Variants in SLC35F3 observed in about 807,000 individuals in gnomAD.
SLC35F3 encodes the protein solute carrier family 35 member F3.
SLC35F3 carries 25 observed loss-of-function variants against 49.9 expected under a neutral mutation model. The ratio of observed to expected loss-of-function variants is 0.50; its 90% CI spans 0.37 to 0.70. The LOEUF is 0.70. Ranked by LOEUF, SLC35F3 falls within the 30% of genes least tolerant of loss-of-function variation. The pLI is 0.00. For synonymous variants in SLC35F3, 275 were observed against 265.4 expected (o/e 1.04, Z -0.35); for missense variants, 525 against 639.8 (o/e 0.82, Z 1.94).
At chr1:233,910,846 ATG>A (rs1224124654) in intron 2 of SLC35F3, among the ~76,000 whole-genome samples, 1 of 152,290 alleles carries the variant, frequency 6.6e-6, no homozygotes, top group Non-Finnish European at 1.5e-5. Flanking sequence ...TTTTTCCAGA[ATG>A]TGAATGGAAT....
chr1:233,932,178 G>A (rs145534617), intron 2 of SLC35F3, among the ~76,000 whole-genome samples: 4,416 of 152,186 alleles, frequency 0.029, 193 homozygotes, highest in African/African-American at 0.1. Context: ...GAGAGCATTA[G>A]GAGAAATACC....
intron 2 of SLC35F3, among the ~76,000 whole-genome samples, chr1:234,045,663 A>G (rs1320733084): frequency 6.6e-6 from 1 of 151,954 alleles, no homozygotes; most frequent in African/African-American, 2.4e-5. Flanking sequence ...ACAAGAATCT[A>G]CCACCTAGCT....
At chr1:234,250,511 G>A (rs1004768437) in intron 3 of SLC35F3, among the ~76,000 whole-genome samples, 16 of 151,600 alleles carry the variant, frequency 1.1e-4, no homozygotes, top group Non-Finnish European at 2.1e-4. Flanking sequence ...AAAATTAGCC[G>A]GGCGTAGTGG....
chr1:234,076,230 T>TTTTTTTTTTTTTTTTTTTTTTTTTGAG (rs1664789576), intron 2 of SLC35F3, among the ~76,000 whole-genome samples: 1 of 151,956 alleles, frequency 6.6e-6, no homozygotes, highest in East Asian at 2.0e-4. Flanking sequence ...CAATACATTT[T>TTTTTTTTTTTTTTTTTTTTTTTTTGAG]AAACGTATTA....
chr1:234,217,316 C>T (rs1399921240), intron 2 of SLC35F3, among the ~76,000 whole-genome samples: 2 of 152,220 alleles, frequency 1.3e-5, no homozygotes, highest in Non-Finnish European at 2.9e-5. Flanking sequence ...AATACTTCAT[C>T]CAACCCTACT....
chr1:234,286,859 AAAAT>A (rs1006335176), intron 3 of SLC35F3, among the ~76,000 whole-genome samples: 15 of 152,308 alleles, frequency 9.8e-5, no homozygotes, highest in African/African-American at 1.7e-4. Context: ...CGTTAGTTCA[AAAAT>A]AAATAAATAA....
chr1:234,208,242 G>A (rs1572095410), intron 2 of SLC35F3, among the ~76,000 whole-genome samples: 1 of 152,266 alleles, frequency 6.6e-6, no homozygotes, highest in South Asian at 2.1e-4. Context: ...CTTAACTCTA[G>A]CAAATGGATT....
At chr1:234,101,338 A>G (rs1486087513) in intron 2 of SLC35F3, among the ~76,000 whole-genome samples, 3 of 152,124 alleles carry the variant, frequency 2.0e-5, no homozygotes, top group African/African-American at 7.2e-5. Context: ...TTGACTATTT[A>G]TAAAAGAAAC....
chr1:233,966,842 A>G (rs1220805084), intron 2 of SLC35F3, among the ~76,000 whole-genome samples: 1 of 152,228 alleles, frequency 6.6e-6, no homozygotes. Flanking sequence ...ACTGTGCTTC[A>G]GTTCCTTTAT....
intron 4 of SLC35F3, among the ~76,000 whole-genome samples, chr1:234,315,623 A>G (rs1657470111): frequency 1.3e-5 from 2 of 152,252 alleles, no homozygotes; most frequent in Non-Finnish European, 2.9e-5. Context: ...ACGACCACTC[A>G]GTTAACCTTA....
intron 2 of SLC35F3, among the ~76,000 whole-genome samples, chr1:233,946,253 T>C (rs932718483): frequency 5.9e-5 from 9 of 152,226 alleles, no homozygotes; most frequent in African/African-American, 1.7e-4. Context: ...TAGCATCTAC[T>C]GAAGCAAAGA....
chr1:233,931,237 C>T (rs1662237521), intron 2 of SLC35F3, among the ~76,000 whole-genome samples: 1 of 152,196 alleles, frequency 6.6e-6, no homozygotes, highest in African/African-American at 2.4e-5. Flanking sequence ...GCAAAGACTT[C>T]ATGTCTAAAA....
At chr1:234,251,116 C>T (rs934142913) in intron 3 of SLC35F3, among the ~76,000 whole-genome samples, 3 of 152,084 alleles carry the variant, frequency 2.0e-5, no homozygotes, top group African/African-American at 4.8e-5. Context: ...TGGAGTATTT[C>T]GACATCTTGA....
intron 2 of SLC35F3, among the ~76,000 whole-genome samples, chr1:234,221,210 A>G (rs572539633): frequency 3.3e-5 from 5 of 152,146 alleles, no homozygotes; most frequent in African/African-American, 9.7e-5. Context: ...TGGGGGCATT[A>G]CTGGATACTT....
chr1:233,952,911 G>A (rs1171817358), intron 2 of SLC35F3, among the ~76,000 whole-genome samples: 1 of 152,102 alleles, frequency 6.6e-6, no homozygotes. Flanking sequence ...GCTTTGGGAT[G>A]ATTTCCAAAA....
At chr1:234,168,544 C>T (rs1287472903) in intron 2 of SLC35F3, among the ~76,000 whole-genome samples, 63 of 152,348 alleles carry the variant, frequency 4.1e-4, no homozygotes, top group Non-Finnish European at 2.6e-4. Flanking sequence ...CCAAGTTGGA[C>T]AGGACAAGAC....
intron 2 of SLC35F3, among the ~76,000 whole-genome samples, chr1:234,083,177 C>T (rs1206163318): frequency 6.6e-6 from 1 of 152,130 alleles, no homozygotes; most frequent in African/African-American, 2.4e-5. Context: ...CTGTTGTCTT[C>T]AAAACTGCAA....
intron 2 of SLC35F3, among the ~76,000 whole-genome samples, chr1:234,011,205 G>T (rs1413990413): frequency 1.3e-5 from 2 of 152,094 alleles, no homozygotes; most frequent in Admixed American, 6.5e-5. Flanking sequence ...TTGTGAATCA[G>T]TGTAGGATGT....
intron 2 of SLC35F3, among the ~76,000 whole-genome samples, chr1:234,182,957 C>A (rs1666585225): frequency 8.5e-6 from 1 of 117,474 alleles, no homozygotes; most frequent in African/African-American, 2.6e-5. Context: ...GGATATTAAT[C>A]CTTTGAGTTA....
Sources: allele counts gnomAD v4.1 joint callset (sites outside exome capture counted in the v4.1 genomes callset), GRCh38; gene constraint gnomAD v4.1.1; transcripts MANE v1.5; gene names NCBI Gene and HGNC (gene_info 2026-07-23, HGNC 2026-07-21).